The following NELL1 variants were observed in gnomAD, a reference collection of about 807,000 sequenced individuals.
NELL1 encodes the protein neural EGFL like 1.
NELL1 carries 76 observed loss-of-function variants against 107.4 expected under a neutral mutation model. That is an observed-to-expected ratio of 0.71 (90% CI 0.59 to 0.86). NELL1 has a LOEUF of 0.86. NELL1 is among the 40% of genes least tolerant of loss of function. The pLI is 0.00. For synonymous variants in NELL1, 353 were observed against 341.2 expected, an observed-to-expected ratio of 1.03 and a Z score of -0.38; for missense variants, 1,024 against 1,005.5, an observed-to-expected ratio of 1.02 and a Z score of -0.25.
chr11:21,565,436 A>T (rs1378049457), intron 17 of NELL1, among the ~76,000 whole-genome samples: 1 of 151,810 alleles, frequency 6.6e-6, no homozygotes, highest in Non-Finnish European at 1.5e-5. Flanking sequence ...TTGCACCAGA[A>T]TCACCTGCAG....
intron 4 of NELL1, among the ~76,000 whole-genome samples, chr11:20,850,291 C>T (rs1444838904): frequency 2.0e-5 from 3 of 152,180 alleles, no homozygotes; most frequent in African/African-American, 7.2e-5. Context: ...CTATCCATTA[C>T]TACTTTGTGA....
chr11:20,852,987 C>A (rs1334958295), intron 4 of NELL1, among the ~76,000 whole-genome samples: 2 of 152,198 alleles, frequency 1.3e-5, no homozygotes, highest in Admixed American at 6.5e-5. Flanking sequence ...GTAGGGGAAG[C>A]TCCTGGGGGA....
At chr11:21,561,364 C>G (rs1856845844) in intron 17 of NELL1, among the ~76,000 whole-genome samples, 1 of 152,006 alleles carries the variant, frequency 6.6e-6, no homozygotes, top group African/African-American at 2.4e-5. Context: ...AGATCATTAC[C>G]CCCAACACCT....
chr11:21,043,775 G>A (rs66499755), intron 12 of NELL1, among the ~76,000 whole-genome samples: 60,060 of 151,902 alleles, frequency 0.4, 14,265 homozygotes, highest in African/African-American at 0.66. Flanking sequence ...TAAATGCATG[G>A]TACTCGTTTC....
intron 15 of NELL1, among the ~76,000 whole-genome samples, chr11:21,434,026 T>C (rs909581590): frequency 6.6e-6 from 1 of 152,208 alleles, no homozygotes; most frequent in Non-Finnish European, 1.5e-5. Context: ...CATTTGCCCA[T>C]TTTTTAATGG....
intron 12 of NELL1, among the ~76,000 whole-genome samples, chr11:21,096,813 T>C (rs1854654118): frequency 6.6e-6 from 1 of 152,186 alleles, no homozygotes; most frequent in East Asian, 1.9e-4. Context: ...CTCCTGTAAG[T>C]GATTCTCCCA....
At chr11:20,833,196 C>T (rs1327128221) in intron 3 of NELL1, among the ~76,000 whole-genome samples, 1 of 152,118 alleles carries the variant, frequency 6.6e-6, no homozygotes, top group African/African-American at 2.4e-5. Flanking sequence ...ATAATAGTAC[C>T]TCCTTCTAGA....
chr11:21,107,117 T>C (rs536027904), intron 12 of NELL1, among the ~76,000 whole-genome samples: 2 of 152,336 alleles, frequency 1.3e-5, no homozygotes, highest in South Asian at 4.1e-4. Flanking sequence ...GGAACATTTG[T>C]TACAATTGAT....
rs115444960 is a variant in NELL1 at position 20,753,494 on chromosome 11, C to T, written c.185-30186C>T. ...TCAGTTCAGTTTGGTCTTTGTGCCC[C>T]TACATTAATCACATTTGAGTCTAGC... On this transcript the variant is annotated intron_variant, in intron 2 of 19. Coordinates refer to ENST00000357134, the MANE Select transcript of NELL1 (RefSeq NM_006157.5). Among the ~76,000 whole-genome samples the T allele has an allele frequency of 3.9e-3, 593 of 152,274 alleles. 1 individual carries two copies. The highest frequency in any genetic ancestry group is 0.014 in the African/African-American group (564 of 41,552).
At chr11:21,533,082 T>G (rs1191080543) in intron 15 of NELL1, among the ~76,000 whole-genome samples, 1 of 152,132 alleles carries the variant, frequency 6.6e-6, no homozygotes, top group Non-Finnish European at 1.5e-5. Flanking sequence ...TAAGGGATGA[T>G]GTATGTGAAA....
chr11:20,701,960 T>G (rs1178956673), intron 2 of NELL1, among the ~76,000 whole-genome samples: 1 of 152,224 alleles, frequency 6.6e-6, no homozygotes, highest in African/African-American at 2.4e-5. Flanking sequence ...CCAGTTTTGT[T>G]CTTTTGGCTC....
At chr11:21,110,212 C>T (rs1855073840) in intron 12 of NELL1, among the ~76,000 whole-genome samples, 1 of 152,000 alleles carries the variant, frequency 6.6e-6, no homozygotes, top group Non-Finnish European at 1.5e-5. Flanking sequence ...TGGACTAGTA[C>T]CAGGAAATTA....
chr11:21,451,604 T>C (rs1321025977), intron 15 of NELL1, among the ~76,000 whole-genome samples: 2 of 152,162 alleles, frequency 1.3e-5, no homozygotes, highest in Non-Finnish European at 2.9e-5. Flanking sequence ...TCCTGAGAAA[T>C]AGAATCAGGA....
rs531528317 is a variant in NELL1 at position 20,671,619 on chromosome 11, C to G, written c.55+1841C>G. Among the ~76,000 whole-genome samples, 24 of 152,130 alleles carry G rather than the reference C, an allele frequency of 1.6e-4. 1 individual carries two copies. In the Middle Eastern group the frequency reaches 9.5e-3, roughly 60 times the overall value. The stretch of plus-strand genomic sequence containing the variant: ...AAAAATTTCGTTGTAGGGGAAGATT[C>G]ATTCATGTCTTTACTCATTCAACAA... On this transcript the variant is annotated intron_variant, in intron 1 of 19. Transcript: ENST00000357134.
At chr11:20,772,084 G>A (rs1427189947) in intron 2 of NELL1, among the ~76,000 whole-genome samples, 1 of 152,270 alleles carries the variant, frequency 6.6e-6, no homozygotes, top group South Asian at 2.1e-4. Context: ...ATGTGGCAAG[G>A]TCAGGGCCAA....
chr11:20,928,244 G>A (rs1850542039), intron 8 of NELL1, 133 bp from the exon 9 acceptor site: 1 of 810,220 alleles, frequency 1.2e-6, no homozygotes, highest in African/African-American at 1.7e-5. Context: ...CTGTGGTCCT[G>A]GAGTGGACTG....
intron 14 of NELL1, chr11:21,284,748 C>T: frequency 2.9e-6 from 1 of 345,716 alleles, no homozygotes; most frequent in South Asian, 2.2e-5. Flanking sequence ...CAATACAAAT[C>T]TGGCAAACCC....
chr11:20,672,895 A>G (rs1312005923), intron 1 of NELL1, among the ~76,000 whole-genome samples: 1 of 131,292 alleles, frequency 7.6e-6, no homozygotes, highest in South Asian at 2.4e-4. Flanking sequence ...CTTGTTGCCC[A>G]GGCTGGAGTG....
chr11:20,938,615 A>G (rs1850777576), intron 10 of NELL1, among the ~76,000 whole-genome samples: 1 of 152,142 alleles, frequency 6.6e-6, no homozygotes, highest in African/African-American at 2.4e-5. Flanking sequence ...GGAGCCAGCC[A>G]TGCAGGTATT....
Sources: gnomAD v4.1 joint callset for allele counts (sites outside exome capture counted in the v4.1 genomes callset) on GRCh38, gnomAD v4.1.1 for gene constraint, MANE v1.5 for transcripts, NCBI Gene and HGNC (gene_info 2026-07-23, HGNC 2026-07-21) for gene names.